INPP4B: variants seen among roughly 807,000 people sequenced by gnomAD.
The protein encoded by INPP4B is inositol polyphosphate-4-phosphatase type II B, also known as inositol polyphosphate 4-phosphatase type II.
INPP4B carries 55 observed loss-of-function variants against 122.5 expected under a neutral mutation model. The observed-to-expected ratio is 0.45, with a 90% confidence interval of 0.36 to 0.56. The LOEUF is 0.56. Among genes scored for constraint, INPP4B ranks in the 20% least tolerant of loss-of-function variants. The probability of loss-of-function intolerance (pLI) is 0.00; values close to 1 mark genes in which losing one functional copy is unlikely to be tolerated. For synonymous variants in INPP4B, 403 were observed against 388.7 expected (o/e 1.04, Z -0.43); for missense variants, 1,000 against 1,097.7 (o/e 0.91, Z 1.26).
chr4:142,708,876 A>G (rs1037797443), intron 2 of INPP4B, among the ~76,000 whole-genome samples: 7 of 152,126 alleles, frequency 4.6e-5, no homozygotes, highest in African/African-American at 1.7e-4. Context: ...ATCTACCAAC[A>G]GCTTGCACCG....
At chr4:142,141,889 C>G (rs560135716) in intron 18 of INPP4B, among the ~76,000 whole-genome samples, 7 of 152,080 alleles carry the variant, frequency 4.6e-5, no homozygotes, top group East Asian at 1.9e-4. Flanking sequence ...AAAAGAAAAA[C>G]TGTCATAGGA....
At chr4:142,627,334 T>A (rs1240237720) in intron 2 of INPP4B, among the ~76,000 whole-genome samples, 2 of 149,402 alleles carry the variant, frequency 1.3e-5, no homozygotes, top group African/African-American at 5.0e-5. Flanking sequence ...TTATGCCAGT[T>A]TTCAAAGGGA....
chr4:142,125,790 T>C (rs1798397450), intron 18 of INPP4B, among the ~76,000 whole-genome samples: 1 of 152,148 alleles, frequency 6.6e-6, no homozygotes, highest in Non-Finnish European at 1.5e-5. Context: ...GAAAGATAAC[T>C]CACTGAGGGC....
intron 2 of INPP4B, among the ~76,000 whole-genome samples, chr4:142,544,165 A>ATAGTGG: frequency 1.0e-5 from 1 of 95,670 alleles, no homozygotes; most frequent in South Asian, 3.3e-4. Flanking sequence ...GTGTAGGAAC[A>ATAGTGG]TAGTGGACTG....
chr4:142,593,809 C>T (rs1355892467), intron 2 of INPP4B, among the ~76,000 whole-genome samples: 3 of 151,854 alleles, frequency 2.0e-5, no homozygotes, highest in Non-Finnish European at 4.4e-5. Context: ...CAAAGAATCC[C>T]TTCACTCTAT....
At chr4:142,184,253 G>C (rs1029979019) in intron 15 of INPP4B, among the ~76,000 whole-genome samples, 1 of 152,144 alleles carries the variant, frequency 6.6e-6, no homozygotes. Context: ...TTGCATTACT[G>C]ATATTGAATC....
At chr4:142,434,892 GA>G (rs200637851) in intron 3 of INPP4B, among the ~76,000 whole-genome samples, 160 of 148,754 alleles carry the variant, frequency 1.1e-3, no homozygotes, top group East Asian at 1.8e-3. Context: ...TGATAAACTA[GA>G]AAAAAAAAAT....
chr4:142,336,467 A>C (rs2646092), intron 7 of INPP4B, among the ~76,000 whole-genome samples: 1 of 152,210 alleles, frequency 6.6e-6, no homozygotes, highest in Non-Finnish European at 1.5e-5. Flanking sequence ...TGGCGGGACC[A>C]AACACGTTTC....
rs1747386033 is a variant in INPP4B, at chr4:142,629,359, A to G, written c.-191+96480T>C. On this transcript the variant is annotated intron_variant, in intron 2 of 25. Transcript: ENST00000262992. ...ATATGAGATAAGAAATGGCAACTAA[A>G]TTGGAGTTGATCATAGTTTGGTATA... 2.6e-5 allele frequency among the ~76,000 whole-genome samples: 4 copies of G among 152,120 alleles called. No homozygotes were observed. The South Asian group carries it at 8.3e-4, about 32-fold the overall frequency.
At chr4:142,803,808 T>C (rs1778326431) in intron 1 of INPP4B, among the ~76,000 whole-genome samples, 1 of 151,474 alleles carries the variant, frequency 6.6e-6, no homozygotes, top group African/African-American at 2.4e-5. Flanking sequence ...CTTGAGAAAA[T>C]CACTTTGGGA....
intron 2 of INPP4B, among the ~76,000 whole-genome samples, chr4:142,631,138 G>A (rs1400538926): frequency 6.6e-6 from 1 of 152,008 alleles, no homozygotes; most frequent in African/African-American, 2.4e-5. Context: ...AAGAGAAACA[G>A]AGTAATATGA....
intron 2 of INPP4B, among the ~76,000 whole-genome samples, chr4:142,645,207 T>A (rs1370311045): frequency 1.3e-5 from 2 of 152,164 alleles, no homozygotes; most frequent in East Asian, 3.9e-4. Context: ...AAATTTATAA[T>A]CAATAGAATT....
chr4:142,196,926 A>G (rs924199787), intron 14 of INPP4B, among the ~76,000 whole-genome samples: 1 of 151,802 alleles, frequency 6.6e-6, no homozygotes, highest in Non-Finnish European at 1.5e-5. Context: ...GGAGTTTGAG[A>G]CCAGGCTGGT....
chr4:142,341,520 C>T (rs1455710251), intron 7 of INPP4B, among the ~76,000 whole-genome samples: 1 of 152,088 alleles, frequency 6.6e-6, no homozygotes, highest in East Asian at 1.9e-4. Context: ...TCATGACTCC[C>T]CCGGCAACCC....
chr4:142,249,395 T>C (rs1045402463), intron 11 of INPP4B, among the ~76,000 whole-genome samples: 2 of 151,644 alleles, frequency 1.3e-5, no homozygotes, highest in African/African-American at 4.8e-5. Flanking sequence ...TTAAGAAATT[T>C]ACACAGAATT....
intron 7 of INPP4B, among the ~76,000 whole-genome samples, chr4:142,327,308 G>A (rs560252979): frequency 5.3e-5 from 8 of 152,004 alleles, no homozygotes; most frequent in Admixed American, 6.6e-5. Context: ...CAAAACTATC[G>A]TGATACGGCT....
intron 7 of INPP4B, among the ~76,000 whole-genome samples, chr4:142,374,680 A>G (rs1791184737): frequency 6.6e-6 from 1 of 151,856 alleles, no homozygotes; most frequent in Non-Finnish European, 1.5e-5. Context: ...TAATTTCTTC[A>G]TGCTTCTTAA....
At chr4:142,139,260 T>C (rs1385579077) in intron 18 of INPP4B, among the ~76,000 whole-genome samples, 1 of 152,136 alleles carries the variant, frequency 6.6e-6, no homozygotes, top group Non-Finnish European at 1.5e-5. Context: ...CCTGAACTAT[T>C]TTATATATAA....
chr4:142,096,932 T>C (rs1270737848), intron 23 of INPP4B, among the ~76,000 whole-genome samples: 1 of 152,138 alleles, frequency 6.6e-6, no homozygotes, highest in Non-Finnish European at 1.5e-5. Flanking sequence ...CCAAAGGGTA[T>C]GTGAATGACC....
Sources: allele counts gnomAD v4.1 joint callset (sites outside exome capture counted in the v4.1 genomes callset), GRCh38; gene constraint gnomAD v4.1.1; transcripts MANE v1.5; gene names NCBI Gene and HGNC (gene_info 2026-07-23, HGNC 2026-07-21).